SSBP3: variants seen among roughly 807,000 people sequenced by gnomAD.
SSBP3 encodes the protein single stranded DNA binding protein 3.
A neutral mutation model predicts 69.6 loss-of-function variants in SSBP3; 5 were observed. That is an observed-to-expected ratio of 0.07 (90% CI 0.04 to 0.15). SSBP3 has a LOEUF of 0.15. SSBP3 is among the 10% of genes least tolerant of loss of function. The probability of loss-of-function intolerance (pLI) is 1.00; values close to 1 mark genes in which losing one functional copy is unlikely to be tolerated. For missense variants in SSBP3, 312 were observed against 534.0 expected (o/e 0.58, Z 4.10); for synonymous variants, 196 against 193.4 (o/e 1.01, Z -0.11).
chr1:54,408,466 C>G (rs1362073677), upstream of SSBP3, among the ~76,000 whole-genome samples: 1 of 152,160 alleles, frequency 6.6e-6, no homozygotes, highest in African/African-American at 2.4e-5. Flanking sequence ...TCACAAGAAG[C>G]CTGACTCATC....
intron 4 of SSBP3, among the ~76,000 whole-genome samples, chr1:54,312,305 AG>A (rs1379318437): frequency 6.6e-6 from 1 of 151,364 alleles, no homozygotes; most frequent in African/African-American, 2.4e-5. Context: ...AAAAAAAAAA[AG>A]AGGCCGGACA....
chr1:54,252,236 C>T (rs1644843282), intron 7 of SSBP3, among the ~76,000 whole-genome samples: 1 of 152,240 alleles, frequency 6.6e-6, no homozygotes, highest in African/African-American at 2.4e-5. Flanking sequence ...TGCCCACTCC[C>T]TCCTTCTGCC....
chr1:54,235,450 T>A (rs1336366893), intron 14 of SSBP3, among the ~76,000 whole-genome samples: 1 of 58,070 alleles, frequency 1.7e-5, no homozygotes, highest in Middle Eastern at 6.3e-3. Context: ...CCCGGCTGAT[T>A]TTTTTTTTTT....
intron 4 of SSBP3, among the ~76,000 whole-genome samples, chr1:54,369,601 G>A (rs1038288119): frequency 6.6e-6 from 1 of 152,220 alleles, no homozygotes; most frequent in Non-Finnish European, 1.5e-5. Context: ...GCAGTCGTCT[G>A]TTCTTGTGGT....
intron 4 of SSBP3, among the ~76,000 whole-genome samples, chr1:54,307,573 G>T (rs1460010242): frequency 6.6e-6 from 1 of 152,224 alleles, no homozygotes; most frequent in Non-Finnish European, 1.5e-5. Flanking sequence ...TTGAAAAGGA[G>T]CTGGGTAAGA....
chr1:54,404,385 C>A (rs1294764327), intron 3 of SSBP3, among the ~76,000 whole-genome samples, 191 bp downstream of exon 3: 1 of 152,216 alleles, frequency 6.6e-6, no homozygotes, highest in South Asian at 2.1e-4. Flanking sequence ...CCCCCCAAAA[C>A]TTTAGGTAAC....
Position 54,258,800 on chromosome 1 carries a change from G to A in SSBP3, c.367-651C>T, listed in dbSNP as rs1396936806. On this transcript the variant is annotated intron_variant, in intron 5 of 17. Transcript: ENST00000610401. This position sits in a 1 kb window ranked among gnomAD's most constrained non-coding sequence, Gnocchi z 4.5. The stretch of plus-strand genomic sequence containing the variant: ...AGGGGACAGTGAGTGAGGGCCACAC[G>A]GTGTGGGCAGCACAGACTCGCACAC... Among the ~76,000 whole-genome samples the A allele has an allele frequency of 3.9e-5, 6 of 152,184 alleles. No homozygotes were observed. Among genetic ancestry groups the A allele is most frequent in the Non-Finnish European group, 8.8e-5 (6 of 68,040 alleles).
At chr1:54,306,081 T>C (rs1270159243) in intron 4 of SSBP3, among the ~76,000 whole-genome samples, 6 of 151,872 alleles carry the variant, frequency 4.0e-5, no homozygotes, top group Non-Finnish European at 7.4e-5. Context: ...CCCAACTCCT[T>C]GCACACTTCT....
rs202207808 is a variant in SSBP3, at chr1:54,251,711, G to T, written c.575-19C>A. 177 of 1,571,736 alleles carry T rather than the reference G, an allele frequency of 1.1e-4. No homozygotes were observed. The highest frequency in any genetic ancestry group is 2.6e-4 in the Admixed American group (14 of 53,720). On this transcript the variant is annotated intron_variant, in intron 8 of 17. Transcript: ENST00000610401. ...GGGTGGCCTGCGTGAGAGAGGAGGC[G>T]CGTCATGGGATGGCAGGAGTGGAGG...
At chr1:54,302,798 C>T (rs1443558193) in intron 4 of SSBP3, among the ~76,000 whole-genome samples, 2 of 152,182 alleles carry the variant, frequency 1.3e-5, no homozygotes, top group Non-Finnish European at 1.5e-5. Flanking sequence ...ACCACCTGCT[C>T]ATTTATGACA....
chr1:54,276,225 G>C (rs886437636), intron 5 of SSBP3, among the ~76,000 whole-genome samples: 1 of 152,112 alleles, frequency 6.6e-6, no homozygotes, highest in African/African-American at 2.4e-5. Flanking sequence ...ACAGGAGCTG[G>C]GACCCCTCCT....
intron 5 of SSBP3, among the ~76,000 whole-genome samples, chr1:54,269,687 C>T (rs1377600103): frequency 6.6e-6 from 1 of 152,244 alleles, no homozygotes; most frequent in African/African-American, 2.4e-5. Context: ...GAGGAGAAGG[C>T]TGCAGCCTAT....
chr1:54,342,191 G>T (rs72665938), intron 4 of SSBP3, among the ~76,000 whole-genome samples: 1 of 152,246 alleles, frequency 6.6e-6, no homozygotes, highest in African/African-American at 2.4e-5. Flanking sequence ...TCCAGGTCTG[G>T]AACTGGAAGG....
In SSBP3 at chr1:54,235,110, A is replaced by T. The variant is rs12094861; in HGVS notation, c.927+4019T>A. Among the ~76,000 whole-genome samples, 564 of 152,224 alleles carry T rather than the reference A, an allele frequency of 3.7e-3. 2 individuals carry two copies. Among genetic ancestry groups the T allele is most frequent in the African/African-American group, 0.013 (535 of 41,536 alleles). ...TTATACACAAAGTACCTCCGGTTTT[A>T]CTTATAAGCACAGGTTTTGGGACTT... On this transcript the variant is annotated intron_variant, in intron 14 of 17. Coordinates refer to ENST00000610401, the Ensembl canonical transcript of SSBP3.
intron 4 of SSBP3, among the ~76,000 whole-genome samples, chr1:54,375,797 G>A (rs1232066774): frequency 6.6e-6 from 1 of 152,190 alleles, no homozygotes; most frequent in Admixed American, 6.5e-5. Context: ...CGCTACAGGC[G>A]GCTGCGGTGG....
At chr1:54,250,290 G>A (rs1644804140) in intron 9 of SSBP3, among the ~76,000 whole-genome samples, 1 of 152,238 alleles carries the variant, frequency 6.6e-6, no homozygotes, top group Admixed American at 6.5e-5. Flanking sequence ...GGGGCTGGCA[G>A]AAGACAAGGA....
At chr1:54,232,940 C>A (rs1359079617) in intron 14 of SSBP3, among the ~76,000 whole-genome samples, 2 of 152,194 alleles carry the variant, frequency 1.3e-5, no homozygotes, top group Non-Finnish European at 2.9e-5. Context: ...ACAACCTCCA[C>A]CTCCCAGCCG....
At chr1:54,289,607 T>C (rs1362985049) in intron 4 of SSBP3, among the ~76,000 whole-genome samples, 1 of 151,746 alleles carries the variant, frequency 6.6e-6, no homozygotes, top group Non-Finnish European at 1.5e-5. Context: ...TGAGCGGGGA[T>C]TAGGGGGATC....
intron 5 of SSBP3, among the ~76,000 whole-genome samples, chr1:54,280,227 C>A (rs1645365862): frequency 6.6e-6 from 1 of 152,234 alleles, no homozygotes; most frequent in Non-Finnish European, 1.5e-5. Flanking sequence ...AACCGAAATA[C>A]AAAATCTTGC....
Sources: allele counts gnomAD v4.1 joint callset (sites outside exome capture counted in the v4.1 genomes callset), GRCh38; gene constraint gnomAD v4.1.1; non-coding constraint Gnocchi (gnomAD v3.1); transcripts MANE v1.5; gene names NCBI Gene and HGNC (gene_info 2026-07-23, HGNC 2026-07-21).